ANKRD36C: variants seen among roughly 807,000 people sequenced by gnomAD.
ANKRD36C encodes the protein ankyrin repeat domain-containing protein 36C.
A neutral mutation model predicts 276.4 loss-of-function variants in ANKRD36C; 61 were observed. The ratio of observed to expected loss-of-function variants is 0.22; its 90% CI spans 0.18 to 0.27. The LOEUF (loss-of-function observed/expected upper bound fraction) is 0.27. Among genes scored for constraint, ANKRD36C ranks in the 10% least tolerant of loss-of-function variants. The pLI, the probability that ANKRD36C is intolerant of heterozygous loss-of-function variation, is 1.00. For synonymous variants in ANKRD36C, 483 were observed against 680.1 expected (o/e 0.71, Z 4.51); for missense variants, 1,447 against 2,032.3 (o/e 0.71, Z 5.54).
Position 95,958,222 on chromosome 2 carries a change from G to T in ANKRD36C, c.1105+369C>A, listed in dbSNP as rs1254326868. ...TTTTTACGATCACTTCTTCCCTCCG[G>T]TTTTAGCAATGTGATCAGGCGCCTA... On this transcript the variant is annotated intron_variant, in intron 12 of 66. Transcript: ENST00000456556. Among the ~76,000 whole-genome samples, 3 of 151,794 alleles carry T rather than the reference G, an allele frequency of 2.0e-5. No individual in the cohort carries two copies. The South Asian group carries it at 6.2e-4, about 32-fold the overall frequency.
At chr2:95,893,081 C>T (rs11164054) in intron 44 of ANKRD36C, among the ~76,000 whole-genome samples, 41,564 of 150,492 alleles carry the variant, frequency 0.28, 6,538 homozygotes, top group East Asian at 0.47. Flanking sequence ...CCTCACAATC[C>T]GTCATCCTTG....
At chr2:95,950,950 C>A (rs1678178159) in intron 15 of ANKRD36C, among the ~76,000 whole-genome samples, 171 bp from the exon 16 acceptor site, 1 of 152,410 alleles carries the variant, frequency 6.6e-6, no homozygotes, top group African/African-American at 2.4e-5. Context: ...GGTAACATAG[C>A]AAGACTCTAT....
intron 60 of ANKRD36C, among the ~76,000 whole-genome samples, chr2:95,860,990 G>T (rs1239763532): frequency 6.6e-6 from 1 of 152,018 alleles, no homozygotes; most frequent in East Asian, 1.9e-4. Context: ...ACGATGTCTG[G>T]GGTTCACACA....
intron 6 of ANKRD36C, 76 bp from the exon 7 acceptor site, chr2:95,962,623 C>T: frequency 6.4e-7 from 1 of 1,552,196 alleles, no homozygotes; most frequent in Non-Finnish European, 8.7e-7. Context: ...GCACTGTTAC[C>T]ATCAAGCTGT....
chr2:95,870,098 A>C (rs1181987948), intron 59 of ANKRD36C, among the ~76,000 whole-genome samples: 11 of 152,362 alleles, frequency 7.2e-5, no homozygotes, highest in African/African-American at 2.4e-4. Context: ...ACAGAGAAAC[A>C]AAAAGACAGC....
intron 6 of ANKRD36C, among the ~76,000 whole-genome samples, chr2:95,975,388 C>T (rs1678789083): frequency 6.6e-6 from 1 of 152,164 alleles, no homozygotes; most frequent in Non-Finnish European, 1.5e-5. Context: ...TACTACAAGG[C>T]TACAGTAACC....
intron 17 of ANKRD36C, among the ~76,000 whole-genome samples, chr2:95,947,897 C>G (rs1481552445): frequency 6.6e-6 from 1 of 152,080 alleles, no homozygotes; most frequent in Non-Finnish European, 1.5e-5. Context: ...AAGAAATTCT[C>G]CTGGCTTGAA....
chr2:95,936,418 C>A (rs1677717701), intron 22 of ANKRD36C, among the ~76,000 whole-genome samples: 1 of 10,316 alleles, frequency 9.7e-5, no homozygotes, highest in Non-Finnish European at 2.2e-4. Context: ...CTTCCACAGT[C>A]AGTTTGACAT....
chr2:95,991,676 G>T (rs564749169), exon 1 of ANKRD36C: 3 of 1,613,916 alleles, frequency 1.9e-6, no homozygotes, highest in East Asian at 4.5e-5. Context: ...GGTCCCTGAG[G>T]GTGGGCCACC....
chr2:95,986,714 T>C (rs753939447), intron 3 of ANKRD36C, 37 bp downstream of exon 3: 1 of 1,563,860 alleles, frequency 6.4e-7, no homozygotes, highest in Non-Finnish European at 8.7e-7. Flanking sequence ...ATAAATGCAT[T>C]TCAGATAGTT....
intron 24 of ANKRD36C, among the ~76,000 whole-genome samples, chr2:95,934,529 T>C (rs1677659928): frequency 6.6e-6 from 1 of 152,062 alleles, no homozygotes; most frequent in Admixed American, 6.6e-5. Flanking sequence ...CCACATTTTC[T>C]CACTCATAAG....
chr2:95,968,568 A>G (rs1409883841), intron 6 of ANKRD36C, among the ~76,000 whole-genome samples: 1 of 152,192 alleles, frequency 6.6e-6, no homozygotes, highest in Non-Finnish European at 1.5e-5. Flanking sequence ...CTCTTCTCTC[A>G]CACCGCAACA....
chr2:95,870,943 A>C (rs1675795533), intron 59 of ANKRD36C, among the ~76,000 whole-genome samples: 1 of 152,316 alleles, frequency 6.6e-6, no homozygotes, highest in African/African-American at 2.4e-5. Context: ...GAATGAAATG[A>C]AACGAGAAGG....
chr2:95,991,584 T>C (rs1283519757), exon 1 of ANKRD36C: 8 of 1,613,998 alleles, frequency 5.0e-6, no homozygotes, highest in Non-Finnish European at 5.9e-6. Flanking sequence ...CAGATCACGA[T>C]AGAAGACAGC....
chr2:95,859,818 A>G (rs1444943752), intron 61 of ANKRD36C, 43 bp downstream of exon 81: 7 of 1,542,790 alleles, frequency 4.5e-6, no homozygotes, highest in East Asian at 2.5e-5. Flanking sequence ...CGTCTTTAAT[A>G]TAAAACAAAC....
At chr2:95,869,881 G>A (rs1675764204) in intron 59 of ANKRD36C, among the ~76,000 whole-genome samples, 1 of 152,250 alleles carries the variant, frequency 6.6e-6, no homozygotes. Flanking sequence ...GGCTCAGAGG[G>A]TCCTACGCCC....
At chr2:95,982,513 A>G (rs1573819190) in intron 3 of ANKRD36C, among the ~76,000 whole-genome samples, 151 bp from the exon 4 acceptor site, 1 of 130,544 alleles carries the variant, frequency 7.7e-6, no homozygotes, top group African/African-American at 3.0e-5. Context: ...GTGCTTTTCT[A>G]TGTTCTGCTC....
At chr2:95,950,120 T>C in intron 16 of ANKRD36C, among the ~76,000 whole-genome samples, 1 of 152,280 alleles carries the variant, frequency 6.6e-6, no homozygotes, top group Admixed American at 6.5e-5. Context: ...CTAAATATAG[T>C]TAACATAACA....
chr2:95,879,241 G>C (rs2104318278), intron 58 of ANKRD36C, among the ~76,000 whole-genome samples: 1 of 152,232 alleles, frequency 6.6e-6, no homozygotes, highest in African/African-American at 2.4e-5. Flanking sequence ...GTGGGTGTGA[G>C]AAATTTCAAA....
Sources: allele counts gnomAD v4.1 joint callset (sites outside exome capture counted in the v4.1 genomes callset), GRCh38; gene constraint gnomAD v4.1.1; transcripts MANE v1.5; gene names NCBI Gene and HGNC (gene_info 2026-07-23, HGNC 2026-07-21).